LRRIQ1: variants seen among roughly 807,000 people sequenced by gnomAD.
LRRIQ1 encodes the protein leucine-rich repeat- and IQ domain-containing protein 1.
In LRRIQ1, 210 loss-of-function variants were observed where a neutral mutation model predicts 211.9. The observed-to-expected ratio is 0.99, with a 90% CI of 0.89 to 1.11. The LOEUF (loss-of-function observed/expected upper bound fraction) is 1.11. Among genes scored for constraint, LRRIQ1 ranks in the 50% most tolerant of loss-of-function variants. The pLI is 0.00. For synonymous variants in LRRIQ1, 699 were observed against 650.1 expected (o/e 1.08, Z -1.14); for missense variants, 2,136 against 1,939.5 (o/e 1.10, Z -1.90).
chr12:85,201,064 C>T (rs1893266842), intron 24 of LRRIQ1, among the ~76,000 whole-genome samples: 1 of 151,866 alleles, frequency 6.6e-6, no homozygotes, highest in South Asian at 2.1e-4. Context: ...CTCCTGACCT[C>T]AAATGATTCA....
intron 15 of LRRIQ1, among the ~76,000 whole-genome samples, chr12:85,121,000 G>T (rs1353903559): frequency 1.3e-5 from 2 of 151,642 alleles, no homozygotes; most frequent in Non-Finnish European, 2.9e-5. Flanking sequence ...ATGGAGCCTC[G>T]CTCTGTCACC....
At chr12:85,188,251 A>G (rs1592940350) in intron 24 of LRRIQ1, among the ~76,000 whole-genome samples, 1 of 152,144 alleles carries the variant, frequency 6.6e-6, no homozygotes, top group Admixed American at 6.6e-5. Flanking sequence ...TAATTTAATG[A>G]CCCAAGATTG....
chr12:85,100,320 T>G (rs1886250878), intron 13 of LRRIQ1, among the ~76,000 whole-genome samples: 1 of 151,772 alleles, frequency 6.6e-6, no homozygotes, highest in African/African-American at 2.4e-5. Context: ...GCTGATAGAC[T>G]TTTGCTCTAT....
intron 19 of LRRIQ1, among the ~76,000 whole-genome samples, chr12:85,139,813 T>G (rs1267344180): frequency 6.6e-6 from 1 of 151,370 alleles, no homozygotes; most frequent in African/African-American, 2.4e-5. Flanking sequence ...GGAAACTGCT[T>G]TTTTGGAACA....
the LRRIQ1 span, among the ~76,000 whole-genome samples, chr12:85,271,084 A>C: frequency 1.3e-5 from 2 of 152,194 alleles, no homozygotes; most frequent in Non-Finnish European, 2.9e-5. Flanking sequence ...AAAATATAAG[A>C]AGTTATTTTC....
At chr12:85,239,358 C>G (rs1947035113) in intron 26 of LRRIQ1, among the ~76,000 whole-genome samples, 1 of 143,678 alleles carries the variant, frequency 7.0e-6, no homozygotes, top group Non-Finnish European at 1.5e-5. Context: ...CTGTTTTATA[C>G]ACACACACAC....
At chr12:85,221,639 A>G (rs1218559686) in intron 24 of LRRIQ1, among the ~76,000 whole-genome samples, 2 of 152,160 alleles carry the variant, frequency 1.3e-5, no homozygotes, top group Non-Finnish European at 2.9e-5. Flanking sequence ...TACCCTTGGC[A>G]AAGTGCATAG....
chr12:85,172,276 T>A (rs1409721342), intron 24 of LRRIQ1, among the ~76,000 whole-genome samples: 3 of 152,160 alleles, frequency 2.0e-5, no homozygotes, highest in Non-Finnish European at 4.4e-5. Context: ...CATAGGACAC[T>A]CTGTATTTCT....
intron 24 of LRRIQ1, among the ~76,000 whole-genome samples, chr12:85,222,214 T>C (rs911893846): frequency 6.6e-6 from 1 of 152,166 alleles, no homozygotes; most frequent in Non-Finnish European, 1.5e-5. Context: ...GGTCTTTGAA[T>C]ACATGTCTCA....
Position 85,098,559 on chromosome 12 carries a change from T to G in LRRIQ1, c.3081+11T>G, listed in dbSNP as rs1886098090. On this transcript the variant is annotated intron_variant, in intron 12 of 26. Transcript: ENST00000393217. ...AATTATCTGAGTGAGGTAATTGCTT[T>G]GAATTAATTGATTTCTGTGATAAAG... 1.3e-6 allele frequency: 2 copies of G among 1,579,264 alleles called. No individual in the cohort carries two copies. Among genetic ancestry groups the G allele is most frequent in the South Asian group, 2.3e-5 (2 of 86,732 alleles).
intron 6 of LRRIQ1, among the ~76,000 whole-genome samples, chr12:85,051,899 G>A (rs1021549562): frequency 6.6e-6 from 1 of 151,956 alleles, no homozygotes; most frequent in Non-Finnish European, 1.5e-5. Context: ...ACAGTGTTTC[G>A]AGCCAATACA....
chr12:85,152,148 A>C lies in LRRIQ1; in HGVS notation c.4330-132A>C. ...CAGATGAATATCATCTCACAATAGT[A>C]AGTAGAAAATTTCCTGTAAATAAAA... On this transcript the variant is annotated intron_variant, in intron 19 of 26. Coordinates refer to ENST00000393217, the MANE Select transcript of LRRIQ1 (RefSeq NM_001079910.2). The C allele has an allele frequency of 9.2e-6, 6 of 649,314 alleles. No individual in the cohort carries two copies. The South Asian group carries it at 1.5e-4, about 16-fold the overall frequency. 40.2% of individuals were successfully genotyped at this position (649,314 alleles called of 1,614,324 possible). A position where few individuals can be genotyped will look rare whatever the true frequency, so the allele number is the denominator to read the frequency against.
intron 24 of LRRIQ1, among the ~76,000 whole-genome samples, chr12:85,223,970 C>T (rs1311548348): frequency 6.6e-6 from 1 of 152,028 alleles, no homozygotes; most frequent in East Asian, 1.9e-4. Context: ...TTACTGTTGA[C>T]CAGGACTCAG....
chr12:85,130,050 A>ATCCT, intron 18 of LRRIQ1, among the ~76,000 whole-genome samples: 1 of 152,318 alleles, frequency 6.6e-6, no homozygotes, highest in East Asian at 1.9e-4. Context: ...AGCAACTGGA[A>ATCCT]AAATGGCCTT....
At chr12:85,164,882 A>C (rs1015430643) in intron 24 of LRRIQ1, among the ~76,000 whole-genome samples, 1 of 152,212 alleles carries the variant, frequency 6.6e-6, no homozygotes, top group Non-Finnish European at 1.5e-5. Flanking sequence ...TAAAATACTT[A>C]GGAAAAAAGT....
At chr12:85,249,012 A>G (rs1895819713), downstream of LRRIQ1, among the ~76,000 whole-genome samples, 1 of 151,836 alleles carries the variant, frequency 6.6e-6, no homozygotes, top group Non-Finnish European at 1.5e-5. Context: ...GAAGATTTCA[A>G]AAAATAAGTG....
chr12:85,206,160 C>T (rs1324386444), intron 24 of LRRIQ1, among the ~76,000 whole-genome samples: 1 of 152,194 alleles, frequency 6.6e-6, no homozygotes, highest in Non-Finnish European at 1.5e-5. Flanking sequence ...CCTGGGACTG[C>T]TGACTTCCAG....
intron 24 of LRRIQ1, among the ~76,000 whole-genome samples, chr12:85,213,034 T>C (rs1893912792): frequency 6.6e-6 from 1 of 151,472 alleles, no homozygotes; most frequent in Non-Finnish European, 1.5e-5. Flanking sequence ...GAATTACATA[T>C]AAATGATTAA....
intron 24 of LRRIQ1, among the ~76,000 whole-genome samples, chr12:85,218,617 C>T (rs1894263038): frequency 6.6e-6 from 1 of 151,990 alleles, no homozygotes; most frequent in Admixed American, 6.6e-5. Flanking sequence ...AAGGTACAGA[C>T]CCTAGTTTTA....
Sources: allele counts gnomAD v4.1 joint callset (sites outside exome capture counted in the v4.1 genomes callset), GRCh38; gene constraint gnomAD v4.1.1; transcripts MANE v1.5; gene names NCBI Gene and HGNC (gene_info 2026-07-23, HGNC 2026-07-21).